The following CLVS1 variants were observed in gnomAD, a reference collection of about 807,000 sequenced individuals.
CLVS1 encodes clavesin-1.
A neutral mutation model predicts 33.1 loss-of-function variants in CLVS1; 10 were observed. The observed-to-expected ratio is 0.30, with a 90% CI of 0.19 to 0.51. The LOEUF (loss-of-function observed/expected upper bound fraction) is 0.51, where lower values mean the gene tolerates loss of function less well. Ranked by LOEUF, CLVS1 falls within the 20% of genes least tolerant of loss-of-function variation. The pLI is 0.97. For synonymous variants in CLVS1, 163 were observed against 166.1 expected (o/e 0.98, Z 0.14); for missense variants, 343 against 433.4 (o/e 0.79, Z 1.85).
At chr8:61,158,938 C>A (rs560586360) in intron 2 of CLVS1, among the ~76,000 whole-genome samples, 1 of 152,306 alleles carries the variant, frequency 6.6e-6, no homozygotes, top group Admixed American at 6.5e-5. Flanking sequence ...GTGATCCTCC[C>A]ACTTCAGCCT....
chr8:61,357,259 G>C (rs1017213388), intron 2 of CLVS1, among the ~76,000 whole-genome samples: 2 of 151,982 alleles, frequency 1.3e-5, no homozygotes, highest in Non-Finnish European at 2.9e-5. Flanking sequence ...CATTCTACAG[G>C]GCACATGGCA....
At chr8:61,077,620 C>A (rs2129281846) in intron 1 of CLVS1, among the ~76,000 whole-genome samples, 1 of 152,176 alleles carries the variant, frequency 6.6e-6, no homozygotes, top group South Asian at 2.1e-4. Context: ...GGATTACAAG[C>A]GTGCACTACT....
intron 3 of CLVS1, among the ~76,000 whole-genome samples, chr8:61,424,803 T>C (rs1419751083): frequency 6.6e-6 from 1 of 152,178 alleles, no homozygotes; most frequent in East Asian, 1.9e-4. Flanking sequence ...TTGGGACTAT[T>C]CACAAAAAGG....
chr8:61,176,386 G>T (rs1807112219), intron 2 of CLVS1, among the ~76,000 whole-genome samples: 2 of 152,176 alleles, frequency 1.3e-5, no homozygotes, highest in South Asian at 4.1e-4. Context: ...GCCCAGCCAA[G>T]ATTGACAAGG....
chr8:61,254,807 G>T (rs1444763147), intron 2 of CLVS1, among the ~76,000 whole-genome samples: 1 of 152,164 alleles, frequency 6.6e-6, no homozygotes, highest in Admixed American at 6.5e-5. Context: ...GATTTTCCAG[G>T]TGCCCTCTGT....
At chr8:61,175,300 G>A (rs1432817527) in intron 2 of CLVS1, among the ~76,000 whole-genome samples, 1 of 152,148 alleles carries the variant, frequency 6.6e-6, no homozygotes, top group Non-Finnish European at 1.5e-5. Context: ...AAGCCCCAGA[G>A]AGCTGACTTG....
At chr8:61,309,653 C>A (rs1255683127) in intron 2 of CLVS1, among the ~76,000 whole-genome samples, 1 of 152,294 alleles carries the variant, frequency 6.6e-6, no homozygotes, top group Non-Finnish European at 1.5e-5. Flanking sequence ...TCCCCTCACG[C>A]CTTGCAGTAA....
At chr8:61,278,327 C>A (rs537574857) in intron 2 of CLVS1, among the ~76,000 whole-genome samples, 1 of 152,300 alleles carries the variant, frequency 6.6e-6, no homozygotes, top group South Asian at 2.1e-4. Flanking sequence ...AAGCACTATG[C>A]CATTGAACAT....
intron 2 of CLVS1, among the ~76,000 whole-genome samples, chr8:61,305,789 A>G (rs1441122356): frequency 6.6e-6 from 1 of 152,120 alleles, no homozygotes; most frequent in African/African-American, 2.4e-5. Context: ...GCTCTCACTT[A>G]TGAGTGAGGA....
the CLVS1 span, among the ~76,000 whole-genome samples, chr8:60,988,459 C>T: frequency 2.6e-5 from 4 of 152,032 alleles, no homozygotes; most frequent in African/African-American, 4.8e-5. Context: ...ACCTGTGATG[C>T]CGGTGACCTT....
chr8:61,067,826 G>C (rs967863147), intron 1 of CLVS1, among the ~76,000 whole-genome samples: 5 of 152,014 alleles, frequency 3.3e-5, no homozygotes, highest in East Asian at 1.9e-4. Context: ...CTACTAGAAG[G>C]GGGAGGGAAA....
At chr8:60,972,103 G>T in the CLVS1 span, among the ~76,000 whole-genome samples, 2 of 152,000 alleles carry the variant, frequency 1.3e-5, no homozygotes, top group African/African-American at 2.4e-5. Context: ...GTGTGCCTTG[G>T]CCTCTCTGTC....
At chr8:61,115,627 T>C (rs1193009608) in intron 1 of CLVS1, among the ~76,000 whole-genome samples, 2 of 151,974 alleles carry the variant, frequency 1.3e-5, no homozygotes, top group Non-Finnish European at 2.9e-5. Context: ...ATGCGGTGTT[T>C]GGTTTTTTGT....
the CLVS1 span, among the ~76,000 whole-genome samples, chr8:61,051,855 C>G: frequency 6.6e-6 from 1 of 152,248 alleles, no homozygotes; most frequent in Non-Finnish European, 1.5e-5. Context: ...CTGCTGGGCC[C>G]TGCCCAGCCA....
chr8:61,239,304 C>T (rs1315069776), intron 2 of CLVS1, among the ~76,000 whole-genome samples: 1 of 152,134 alleles, frequency 6.6e-6, no homozygotes, highest in African/African-American at 2.4e-5. Flanking sequence ...CATTGCTTAA[C>T]GTTGGTGGAA....
At chr8:61,356,772 A>G (rs1380135704) in intron 2 of CLVS1, among the ~76,000 whole-genome samples, 1 of 152,070 alleles carries the variant, frequency 6.6e-6, no homozygotes, top group Non-Finnish European at 1.5e-5. Flanking sequence ...CCATTGATCT[A>G]TATCTCTGTT....
chr8:61,107,925 G>A (rs1805566264), intron 1 of CLVS1, among the ~76,000 whole-genome samples: 1 of 152,080 alleles, frequency 6.6e-6, no homozygotes, highest in African/African-American at 2.4e-5. Flanking sequence ...AATATTTATT[G>A]AGTGTTTACA....
chr8:61,489,945 T>C (rs1382659567), intron 5 of CLVS1, among the ~76,000 whole-genome samples: 1 of 152,192 alleles, frequency 6.6e-6, no homozygotes, highest in East Asian at 1.9e-4. Flanking sequence ...TTAAAGAAAC[T>C]AAAACGTTTT....
chr8:61,105,607 C>A (rs1805519298), intron 1 of CLVS1, among the ~76,000 whole-genome samples: 1 of 152,112 alleles, frequency 6.6e-6, no homozygotes, highest in African/African-American at 2.4e-5. Flanking sequence ...ACTCTCTGTG[C>A]CCTGAATAAG....
Sources: gnomAD v4.1 joint callset for allele counts (sites outside exome capture counted in the v4.1 genomes callset) on GRCh38, gnomAD v4.1.1 for gene constraint, MANE v1.5 for transcripts, NCBI Gene and HGNC (gene_info 2026-07-23, HGNC 2026-07-21) for gene names.